MGARP: variants seen among roughly 807,000 people sequenced by gnomAD.
The protein encoded by MGARP is protein MGARP.
In MGARP, 12 loss-of-function variants were observed where a neutral mutation model predicts 11.0. The observed-to-expected ratio is 1.09, with a 90% CI of 0.70 to 1.77. MGARP has a LOEUF of 1.77. MGARP is among the 40% of genes most tolerant of loss of function. MGARP has a pLI of 0.00. For synonymous variants in MGARP, 110 were observed against 115.4 expected, an observed-to-expected ratio of 0.95 and a Z score of 0.30; for missense variants, 283 against 297.8, an observed-to-expected ratio of 0.95 and a Z score of 0.36.
intron 1 of MGARP, among the ~76,000 whole-genome samples, chr4:139,277,099 C>T (rs1363311832): frequency 1.3e-5 from 2 of 152,136 alleles, no homozygotes. Flanking sequence ...CTTGTGGCAT[C>T]ATGTCAGTGC....
chr4:139,266,573 T>G lies in MGARP; in HGVS notation c.*26A>C. On this transcript the variant is annotated 3_prime_UTR_variant, in exon 4 of 4. Coordinates refer to ENST00000398955, the MANE Select transcript of MGARP (RefSeq NM_032623.4). ...CTTATCAGACACCCTATGGCATTTG[T>G]TGCTGAAATGTCTACCGGCTGGAGA... 6.3e-7 allele frequency: 1 copy of G among 1,596,728 alleles called. No individual in the cohort carries two copies. The highest frequency in any genetic ancestry group is 1.3e-5 in the African/African-American group (1 of 74,402).
intron 3 of MGARP, 86 bp downstream of exon 3, chr4:139,268,586 C>A: frequency 1.1e-6 from 1 of 898,572 alleles, no homozygotes; most frequent in Non-Finnish European, 1.6e-6. Context: ...AAGCCAAAAG[C>A]AAATAGTGTT....
At chr4:139,275,474 C>G (rs1744853214) in intron 1 of MGARP, 82 bp from the exon 2 acceptor site, 1 of 1,083,262 alleles carries the variant, frequency 9.2e-7, no homozygotes, top group Non-Finnish European at 1.4e-6. Context: ...CAAAATTTTT[C>G]TACTCAGTGA....
At chr4:139,274,378 G>T (rs1205158069) in intron 2 of MGARP, among the ~76,000 whole-genome samples, 2 of 151,930 alleles carry the variant, frequency 1.3e-5, no homozygotes, top group Non-Finnish European at 2.9e-5. Flanking sequence ...AGGAGGAGGG[G>T]GTGTGAGGGG....
chr4:139,270,879 G>T (rs1363872667), intron 2 of MGARP, among the ~76,000 whole-genome samples: 1 of 152,088 alleles, frequency 6.6e-6, no homozygotes, highest in African/African-American at 2.4e-5. Flanking sequence ...TACACAAACC[G>T]AACCAGTACA....
chr4:139,277,096 C>T (rs1744885461), intron 1 of MGARP, among the ~76,000 whole-genome samples: 1 of 152,266 alleles, frequency 6.6e-6, no homozygotes, highest in South Asian at 2.1e-4. Context: ...CTACTTGTGG[C>T]ATCATGTCAG....
chr4:139,271,108 A>G (rs967720673), intron 2 of MGARP, among the ~76,000 whole-genome samples: 6 of 152,240 alleles, frequency 3.9e-5, no homozygotes, highest in Admixed American at 3.9e-4. Context: ...AAGGCCTATT[A>G]AAAGAGAGGG....
rs1744706061 is a variant in MGARP, at chr4:139,266,855, G to A, written c.467C>T (p.Thr156Ile). 2 of 1,614,042 alleles carry A rather than the reference G, an allele frequency of 1.2e-6. No homozygotes were observed. Among genetic ancestry groups the A allele is most frequent in the Non-Finnish European group, 1.7e-6 (2 of 1,180,038 alleles). ...APETTAVSAE[T>I]GPEVTDAAAR... ...CGCTGCATCTGTGACCTCTGGCCCG[G>A]TTTCAGCACTGACTGCTGTGGTCTC... Residue 156 changes from threonine (T) to isoleucine (I), a missense_variant, in exon 4 of 4, where the codon ACC becomes ATC. By Grantham distance (89) the Thr-to-Ile change is moderately conservative. Coordinates refer to ENST00000398955, the MANE Select transcript of MGARP (RefSeq NM_032623.4).
At position 139,266,539 on chromosome 4, in the gene MGARP, A is replaced by T; in HGVS notation, c.*60T>A. ...TTTTTAAACTAAGTGTACTAAAAAC[A>T]CAAAAGCACTTATCAGACACCCTAT... On this transcript the variant is annotated 3_prime_UTR_variant, in exon 4 of 4. Transcript: ENST00000398955. The T allele has an allele frequency of 6.9e-7, 1 of 1,451,044 alleles. No homozygotes were observed. The highest frequency in any genetic ancestry group is 1.3e-5 in the South Asian group (1 of 76,018). The allele number at this position is 1,451,044 out of a possible 1,614,324, so 89.9% of individuals were successfully genotyped here.
At chr4:139,275,498 TAAC>T in intron 1 of MGARP, 106 bp from the exon 2 acceptor site, 1 of 777,934 alleles carries the variant, frequency 1.3e-6, no homozygotes, top group Non-Finnish European at 2.1e-6. Flanking sequence ...TAGAATCTAT[TAAC>T]ATCAAGTGAT....
In MGARP at chr4:139,266,779, A is replaced by G. The variant is rs564214865; in HGVS notation, c.543T>C (p.Asn181=). The G allele has an allele frequency of 6.2e-7, 1 of 1,614,146 alleles. No homozygotes were observed. The highest frequency in any genetic ancestry group is 1.1e-5 in the South Asian group (1 of 91,072). The change falls in exon 4 of 4, where the codon AAT becomes AAC. Residue 181 remains asparagine, a synonymous_variant. Transcript: ENST00000398955. The part of the protein sequence containing the change: ...VNPETTPEVT[N]AALDEAVTID... ...TGGTGACAGCTTCATCCAGGGCAGC[A>G]TTTGTAACCTCTGGGGTTGTTTCAG...
At chr4:139,269,868 T>A (rs1252045713) in intron 2 of MGARP, among the ~76,000 whole-genome samples, 2 of 152,174 alleles carry the variant, frequency 1.3e-5, no homozygotes, top group African/African-American at 4.8e-5. Flanking sequence ...AATGGTAAGA[T>A]GATAGATTTC....
rs1744849881 is a variant in MGARP, at chr4:139,275,317, C to A, written c.158G>T (p.Gly53Val). The change falls in exon 2 of 4, where the codon GGC becomes GTC. Residue 53 changes from glycine (G) to valine (V), a missense_variant. Physicochemically the swap from Gly to Val is moderately radical, Grantham distance 109. Coordinates refer to ENST00000398955, the MANE Select transcript of MGARP (RefSeq NM_032623.4). ...ATATCCACCAGCACTGACTGTGACGCCTACAACCAGATAATAAATCATATT... is the reference window on the plus strand; with the variant it reads ...ATATCCACCAGCACTGACTGTGACGACTACAACCAGATAATAAATCATATT... Reference protein sequence around the residue: ...GSNMIYYLVVGVTVSAGGYYA... With the variant: ...GSNMIYYLVVVVTVSAGGYYA... The A allele has an allele frequency of 6.2e-7, 1 of 1,613,994 alleles. No homozygotes were observed.
chr4:139,273,803 CATG>C (rs1744825247), intron 2 of MGARP, among the ~76,000 whole-genome samples: 1 of 152,044 alleles, frequency 6.6e-6, no homozygotes, highest in African/African-American at 2.4e-5. Flanking sequence ...CGTGAGCCAC[CATG>C]ACTGGCCTAC....
chr4:139,267,133 T>C, intron 3 of MGARP, 92 bp from the exon 4 acceptor site: 1 of 1,183,830 alleles, frequency 8.4e-7, no homozygotes, highest in Non-Finnish European at 1.2e-6. Flanking sequence ...AAGACAGAAC[T>C]ACATGCACTG....
At chr4:139,272,577 A>AAAAAT (rs965904964) in intron 2 of MGARP, among the ~76,000 whole-genome samples, 5 of 150,344 alleles carry the variant, frequency 3.3e-5, no homozygotes, top group Non-Finnish European at 5.9e-5. Flanking sequence ...AAAAAAAAAA[A>AAAAAT]AAATTCTGAG....
chr4:139,272,279 G>A (rs190897221), intron 2 of MGARP, among the ~76,000 whole-genome samples: 9 of 152,026 alleles, frequency 5.9e-5, no homozygotes, highest in Middle Eastern at 3.4e-3. Context: ...TTTCTAGGCC[G>A]GGCTTGGTGG....
chr4:139,266,795 G>A lies in MGARP; in HGVS notation c.527C>T (p.Thr176Ile), dbSNP rs753042293. ...RETTEVNPET[T>I]PEVTNAALDE... ...CAGGGCAGCATTTGTAACCTCTGGG[G>A]TTGTTTCAGGGTTTACTTCCGTGGT... is the stretch of plus-strand genomic sequence containing the variant. Residue 176 changes from threonine to isoleucine, a missense_variant, in exon 4 of 4, where the codon ACC (threonine) becomes ATC (isoleucine). Coordinates refer to ENST00000398955, the MANE Select transcript of MGARP (RefSeq NM_032623.4). 3.3e-5 allele frequency: 54 copies of A among 1,614,192 alleles called. No homozygotes were observed. The highest frequency in any genetic ancestry group is 4.5e-5 in the Non-Finnish European group (53 of 1,180,044).
Position 139,266,657 on chromosome 4 carries a change from C to T in MGARP, c.665G>A (p.Gly222Glu). 6.2e-7 allele frequency: 1 copy of T among 1,614,108 alleles called. No individual in the cohort carries two copies. Among genetic ancestry groups the T allele is most frequent in the Non-Finnish European group, 8.5e-7 (1 of 1,180,014 alleles). ...NSPAESESSA[G>E]DDLQEEASVG... ...ACTGGCTTCCTCCTGTAAATCATCT[C>T]CAGCAGAGGACTCTGACTCAGCTGG... Residue 222 changes from glycine to glutamate, a missense_variant, in exon 4 of 4, where the codon GGA (glycine) becomes GAA (glutamate). By Grantham distance (98) the Gly-to-Glu change is moderately conservative. Coordinates refer to ENST00000398955, the MANE Select transcript of MGARP (RefSeq NM_032623.4).
Sources: gnomAD v4.1 joint callset for allele counts (sites outside exome capture counted in the v4.1 genomes callset) on GRCh38, gnomAD v4.1.1 for gene constraint, MANE v1.5 for transcripts, NCBI Gene and HGNC (gene_info 2026-07-23, HGNC 2026-07-21) for gene names.